EPHA5: variants seen among roughly 807,000 people sequenced by gnomAD.
The protein encoded by EPHA5 is ephrin type-A receptor 5.
EPHA5 carries 60 observed loss-of-function variants against 105.0 expected under a neutral mutation model. That is an observed-to-expected ratio of 0.57 (90% CI 0.46 to 0.71). EPHA5 has a LOEUF of 0.71. Ranked by LOEUF, EPHA5 falls within the 30% of genes least tolerant of loss-of-function variation. EPHA5 has a pLI of 0.00. For synonymous variants in EPHA5, 513 were observed against 449.1 expected (o/e 1.14, Z -1.80); for missense variants, 1,218 against 1,274.7 (o/e 0.96, Z 0.68).
At chr4:65,424,224 A>C (rs1724207063) in intron 5 of EPHA5, among the ~76,000 whole-genome samples, 1 of 152,100 alleles carries the variant, frequency 6.6e-6, no homozygotes, top group Admixed American at 6.6e-5. Context: ...ACAAACAATG[A>C]TATCAATGAT....
At chr4:65,651,465 T>C (rs1447777916) in intron 1 of EPHA5, among the ~76,000 whole-genome samples, 1 of 152,244 alleles carries the variant, frequency 6.6e-6, no homozygotes, top group Non-Finnish European at 1.5e-5. Flanking sequence ...CCTTCCATGA[T>C]GTTAATACTT....
intron 8 of EPHA5, among the ~76,000 whole-genome samples, chr4:65,392,243 A>C (rs771289150): frequency 3.3e-5 from 5 of 152,144 alleles, no homozygotes; most frequent in African/African-American, 1.2e-4. Context: ...AATAGAAGAG[A>C]TAAAAACCCT....
rs1419543105 is a variant in EPHA5 at position 65,531,033 on chromosome 4, AT to A, written c.911-35491del. 1.3e-4 allele frequency among the ~76,000 whole-genome samples: 13 copies of A among 103,440 alleles called. No individual in the cohort carries two copies. In the East Asian group the frequency reaches 3.1e-3, roughly 25 times the overall value. 67.9% of individuals were successfully genotyped at this position (103,440 alleles called of 152,430 possible). ...TTTTTTTATTTTTTTTATTTTTTTT[AT>A]TTTTTTATTTTTTTGAGACGGAGTC... On this transcript the variant is annotated intron_variant, in intron 3 of 16. Transcript: ENST00000613740.
chr4:65,439,288 A>G (rs955928206), intron 5 of EPHA5, among the ~76,000 whole-genome samples: 1 of 152,196 alleles, frequency 6.6e-6, no homozygotes, highest in Non-Finnish European at 1.5e-5. Context: ...AAATCCAGAT[A>G]TTTAACACTT....
intron 3 of EPHA5, among the ~76,000 whole-genome samples, chr4:65,582,932 A>G (rs1490287210): frequency 1.3e-5 from 2 of 151,638 alleles, no homozygotes; most frequent in Non-Finnish European, 3.0e-5. Context: ...TTGCTTTCTT[A>G]TTATATCTTT....
At chr4:65,357,190 A>G (rs894157324) in intron 11 of EPHA5, among the ~76,000 whole-genome samples, 6 of 151,476 alleles carry the variant, frequency 4.0e-5, no homozygotes, top group African/African-American at 2.4e-5. Flanking sequence ...TTATGGATTT[A>G]TATTATAATT....
chr4:65,513,603 G>C (rs971514497), intron 3 of EPHA5, among the ~76,000 whole-genome samples: 4 of 152,018 alleles, frequency 2.6e-5, no homozygotes, highest in Non-Finnish European at 5.9e-5. Context: ...GGCCAGGCTG[G>C]TCTCCAAATC....
At chr4:65,433,114 A>G (rs1725133078) in intron 5 of EPHA5, among the ~76,000 whole-genome samples, 1 of 152,152 alleles carries the variant, frequency 6.6e-6, no homozygotes, top group South Asian at 2.1e-4. Flanking sequence ...ACCAGAACAA[A>G]ATAAAATTTT....
Position 65,621,075 on chromosome 4 carries a change from G to T in EPHA5, c.247-18771C>A, listed in dbSNP as rs1441827466. Reference sequence around the variant, plus strand: ...AAATTCATTAGAAAAAATAAATTGAGTAATTGCTAACCTCAGATATGGTCT... The same window carrying T: ...AAATTCATTAGAAAAAATAAATTGATTAATTGCTAACCTCAGATATGGTCT... On this transcript the variant is annotated intron_variant, in intron 2 of 16. Coordinates refer to ENST00000613740, the MANE Select transcript of EPHA5 (RefSeq NM_001281766.3). 2.0e-5 allele frequency among the ~76,000 whole-genome samples: 3 copies of T among 152,082 alleles called. No homozygotes were observed. In the South Asian group the frequency reaches 6.2e-4, roughly 31 times the overall value.
At chr4:65,439,275 G>A (rs1457134888) in intron 5 of EPHA5, among the ~76,000 whole-genome samples, 3 of 152,082 alleles carry the variant, frequency 2.0e-5, no homozygotes, top group East Asian at 1.9e-4. Flanking sequence ...TATTTTGTAA[G>A]GTAAATCCAG....
At chr4:65,477,042 T>C (rs1478161594) in intron 5 of EPHA5, among the ~76,000 whole-genome samples, 1 of 152,222 alleles carries the variant, frequency 6.6e-6, no homozygotes, top group Non-Finnish European at 1.5e-5. Context: ...CCATCATTTA[T>C]GAACTATTTT....
intron 1 of EPHA5, among the ~76,000 whole-genome samples, chr4:65,658,713 C>T (rs1028856997): frequency 1.3e-5 from 2 of 151,980 alleles, no homozygotes; most frequent in African/African-American, 4.8e-5. Flanking sequence ...ACTAGCTTGC[C>T]CAAGTCACAC....
chr4:65,404,319 C>T (rs1722142246), intron 8 of EPHA5, 55 bp downstream of exon 8: 2 of 1,471,554 alleles, frequency 1.4e-6, no homozygotes, highest in South Asian at 2.3e-5. Context: ...ATGGTCAGAT[C>T]AAGGTGAGGA....
At chr4:65,489,469 A>G (rs1251755204) in intron 5 of EPHA5, among the ~76,000 whole-genome samples, 2 of 152,200 alleles carry the variant, frequency 1.3e-5, no homozygotes, top group African/African-American at 4.8e-5. Context: ...TGACAAGGTT[A>G]CTACACTTTG....
chr4:65,428,689 A>G (rs1278621487), intron 5 of EPHA5, among the ~76,000 whole-genome samples: 2 of 152,098 alleles, frequency 1.3e-5, no homozygotes, highest in African/African-American at 2.4e-5. Flanking sequence ...GTTTTTTTCA[A>G]AGACTTGAAA....
Position 65,351,384 on chromosome 4 carries a change from C to T in EPHA5, c.2445+5G>A. 1 of 1,613,336 alleles carries T rather than the reference C, an allele frequency of 6.2e-7. No individual in the cohort carries two copies. The highest frequency in any genetic ancestry group is 8.5e-7 in the Non-Finnish European group (1 of 1,179,514). On this transcript the variant is annotated splice_donor_5th_base_variant and intron_variant, in intron 13 of 16. Coordinates refer to ENST00000613740, the MANE Select transcript of EPHA5 (RefSeq NM_001281766.3). ...TGTTTAGAAATGCACTCTGTTAGAT[C>T]TTACCCTTGTGGTGTAGGCTGCCTC...
intron 3 of EPHA5, among the ~76,000 whole-genome samples, chr4:65,586,837 G>T (rs1027995793): frequency 6.6e-6 from 1 of 151,864 alleles, no homozygotes; most frequent in African/African-American, 2.4e-5. Flanking sequence ...CTACAGACCT[G>T]GCATGCAGCT....
At chr4:65,331,798 A>C in intron 16 of EPHA5, 175 bp downstream of exon 16, 1 of 1,269,174 alleles carries the variant, frequency 7.9e-7, no homozygotes, top group South Asian at 3.2e-5. Context: ...TACTGGCCAC[A>C]TGTAGCATTA....
rs1407104011 is a variant in EPHA5 at position 65,320,987 on chromosome 4, C to T, written c.*3127G>A. The T allele has an allele frequency of 1.3e-5, 3 of 230,332 alleles. No individual in the cohort carries two copies. The East Asian group carries it at 1.8e-4, about 14-fold the overall frequency. The allele number at this position is 230,332 out of a possible 1,614,324, so 14.3% of individuals were successfully genotyped here. A position where few individuals can be genotyped will look rare whatever the true frequency, so the allele number is the denominator to read the frequency against. ...AAACATAGGAAAATCAAAATCTTTA[C>T]ATCTTTACATAGAAATAGTACATTA... On this transcript the variant is annotated 3_prime_UTR_variant, in exon 17 of 17. Transcript: ENST00000613740.
Sources: gnomAD v4.1 joint callset for allele counts (sites outside exome capture counted in the v4.1 genomes callset) on GRCh38, gnomAD v4.1.1 for gene constraint, MANE v1.5 for transcripts, NCBI Gene and HGNC (gene_info 2026-07-23, HGNC 2026-07-21) for gene names.